Variants in RBFOX1 observed in about 807,000 individuals in gnomAD.
RBFOX1 encodes RNA binding fox-1 homolog 1.
A neutral mutation model predicts 57.7 loss-of-function variants in RBFOX1; 8 were observed. The observed-to-expected ratio is 0.14, with a 90% CI of 0.08 to 0.25. The LOEUF (loss-of-function observed/expected upper bound fraction) is 0.25. Ranked by LOEUF, RBFOX1 falls within the 10% of genes least tolerant of loss-of-function variation. RBFOX1 has a pLI of 1.00. For missense variants in RBFOX1, 611 were observed against 548.5 expected (o/e 1.11, Z -1.14); for synonymous variants, 326 against 222.4 (o/e 1.47, Z -4.15).
intron 3 of RBFOX1, among the ~76,000 whole-genome samples, chr16:7,031,528 G>A (rs1162848798): frequency 6.6e-6 from 1 of 151,874 alleles, no homozygotes; most frequent in African/African-American, 2.4e-5. Context: ...CCCGTAAGGT[G>A]GAGGCTGCAG....
intron 3 of RBFOX1, among the ~76,000 whole-genome samples, chr16:6,844,420 A>C (rs1435411591): frequency 6.6e-6 from 1 of 151,998 alleles, no homozygotes; most frequent in Non-Finnish European, 1.5e-5. Context: ...TCATTCACCT[A>C]CTACTTATAA....
chr16:6,732,909 C>G lies in RBFOX1; in HGVS notation c.-16+78259C>G, dbSNP rs1264009107. 3.3e-5 allele frequency among the ~76,000 whole-genome samples: 5 copies of G among 152,290 alleles called. No homozygotes were observed. In the East Asian group the frequency reaches 7.7e-4, roughly 24 times the overall value. The stretch of plus-strand genomic sequence containing the variant: ...GTTTGTTGATCCTTGTGTTATATTT[C>G]ATGACAAATGATGAAAATGCTAATT... On this transcript the variant is annotated intron_variant, in intron 3 of 15. Coordinates refer to ENST00000550418, the MANE Select transcript of RBFOX1 (RefSeq NM_018723.4).
At chr16:6,450,775 A>ATACACATATATATG (rs2094578197) in intron 2 of RBFOX1, among the ~76,000 whole-genome samples, 2 of 35,208 alleles carry the variant, frequency 5.7e-5, no homozygotes, top group African/African-American at 3.0e-4. Flanking sequence ...GTGTATATAT[A>ATACACATATATATG]TATATATATA....
At chr16:6,520,631 C>T (rs1037416652) in intron 2 of RBFOX1, among the ~76,000 whole-genome samples, 1 of 152,150 alleles carries the variant, frequency 6.6e-6, no homozygotes, top group Non-Finnish European at 1.5e-5. Context: ...AAGGGGAGGG[C>T]TGAAGACTAT....
intron 3 of RBFOX1, among the ~76,000 whole-genome samples, chr16:6,964,844 G>A (rs1346722551): frequency 6.6e-6 from 1 of 152,088 alleles, no homozygotes; most frequent in Admixed American, 6.5e-5. Flanking sequence ...TGAAATCCCT[G>A]CTCCCAGCTC....
intron 1 of RBFOX1, among the ~76,000 whole-genome samples, chr16:6,094,830 G>A (rs2096224438): frequency 6.6e-6 from 1 of 152,222 alleles, no homozygotes; most frequent in African/African-American, 2.4e-5. Context: ...TTGGGAGGCT[G>A]AGGCGGATCA....
At chr16:5,319,376 A>C (rs1317683434) in intron 1 of RBFOX1, among the ~76,000 whole-genome samples, 1 of 152,130 alleles carries the variant, frequency 6.6e-6, no homozygotes, top group Non-Finnish European at 1.5e-5. Flanking sequence ...TCTTTGGTTC[A>C]CAGCCCTGTT....
At chr16:5,459,087 C>A (rs774780255) in intron 1 of RBFOX1, among the ~76,000 whole-genome samples, 10 of 152,198 alleles carry the variant, frequency 6.6e-5, no homozygotes, top group African/African-American at 1.2e-4. Context: ...TGTTGCTCAC[C>A]ATGCCCTGGC....
chr16:7,339,264 A>G lies in RBFOX1; in HGVS notation c.28-178883A>G, dbSNP rs570981834. ...TCATGTGTTTATTCAGCAATTATCT[A>G]TTGAGCACCTACTGTGTGCCAGGCT... On this transcript the variant is annotated intron_variant, in intron 4 of 15. Coordinates refer to ENST00000550418, the MANE Select transcript of RBFOX1 (RefSeq NM_018723.4). Among the ~76,000 whole-genome samples the G allele has an allele frequency of 2.5e-4, 38 of 152,298 alleles. 1 individual carries two copies. In the South Asian group the frequency reaches 6.2e-3, roughly 25 times the overall value.
At chr16:7,004,005 T>A (rs60756164) in intron 3 of RBFOX1, 21 of 147,894 alleles carry the variant, frequency 1.4e-4, no homozygotes, top group South Asian at 8.5e-4. Context: ...TTTTTTTTTT[T>A]ATAAAAAAAG....
chr16:5,490,150 C>G (rs1045527729), intron 2 of RBFOX1, among the ~76,000 whole-genome samples: 3 of 152,222 alleles, frequency 2.0e-5, no homozygotes, highest in Non-Finnish European at 2.9e-5. Context: ...TTTTCCCCTT[C>G]TTTCTGTGGC....
chr16:6,869,690 A>C (rs904281371), intron 3 of RBFOX1, among the ~76,000 whole-genome samples: 1 of 152,214 alleles, frequency 6.6e-6, no homozygotes, highest in African/African-American at 2.4e-5. Context: ...TCTAGGACAC[A>C]CATTCATGCA....
intron 3 of RBFOX1, among the ~76,000 whole-genome samples, chr16:7,001,897 A>G (rs1426429494): frequency 6.6e-6 from 1 of 152,188 alleles, no homozygotes; most frequent in Non-Finnish European, 1.5e-5. Context: ...TCCCCATAGT[A>G]AGCGGGGGTC....
intron 3 of RBFOX1, among the ~76,000 whole-genome samples, chr16:5,719,271 G>T (rs2051838459): frequency 6.8e-6 from 1 of 147,828 alleles, no homozygotes; most frequent in Non-Finnish European, 1.5e-5. Context: ...GCACGATCTC[G>T]GCTCACTGCA....
intron 3 of RBFOX1, among the ~76,000 whole-genome samples, chr16:6,823,497 T>A (rs977567995): frequency 1.3e-5 from 2 of 151,744 alleles, no homozygotes; most frequent in Admixed American, 6.5e-5. Context: ...TCTCAGGTCA[T>A]CTGTATGCCT....
chr16:7,706,674 G>A (rs938187264), intron 14 of RBFOX1, among the ~76,000 whole-genome samples: 2 of 152,108 alleles, frequency 1.3e-5, no homozygotes, highest in Non-Finnish European at 2.9e-5. Context: ...ATTTCAGTTT[G>A]CCTCTGCACT....
At chr16:6,824,983 G>GTATTTTTTTTTT (rs2091914748) in intron 3 of RBFOX1, among the ~76,000 whole-genome samples, 1 of 36,878 alleles carries the variant, frequency 2.7e-5, no homozygotes, top group Admixed American at 4.8e-4. Context: ...TTCTTTCTTG[G>GTATTTTTTTTTT]TTTTTTTTTT....
chr16:7,085,956 C>A (rs1845393323), intron 4 of RBFOX1, among the ~76,000 whole-genome samples: 1 of 152,122 alleles, frequency 6.6e-6, no homozygotes, highest in Non-Finnish European at 1.5e-5. Context: ...ATGTACTAAG[C>A]AGATTGGTCA....
intron 1 of RBFOX1, among the ~76,000 whole-genome samples, chr16:6,086,423 G>T (rs2096084989): frequency 6.6e-6 from 1 of 152,152 alleles, no homozygotes; most frequent in Non-Finnish European, 1.5e-5. Flanking sequence ...CAGTTCTGCA[G>T]AGCAGTCGGT....
Sources: allele counts gnomAD v4.1 joint callset (sites outside exome capture counted in the v4.1 genomes callset), GRCh38; gene constraint gnomAD v4.1.1; transcripts MANE v1.5; gene names NCBI Gene and HGNC (gene_info 2026-07-23, HGNC 2026-07-21).